Variants in GPR139 observed in about 807,000 individuals in gnomAD.
GPR139 encodes the protein probable G protein-coupled receptor 139.
A neutral mutation model predicts 25.8 loss-of-function variants in GPR139; 12 were observed. The ratio of observed to expected loss-of-function variants is 0.47; its 90% confidence interval spans 0.30 to 0.75. GPR139 has a LOEUF of 0.75. Ranked by LOEUF, GPR139 falls within the 30% of genes least tolerant of loss-of-function variation. The pLI is 0.07. For synonymous variants in GPR139, 184 were observed against 179.9 expected (o/e 1.02, Z -0.18); for missense variants, 380 against 450.2 (o/e 0.84, Z 1.41).
rs533290803 is a variant in GPR139 at position 20,071,435 on chromosome 16, G to A, written c.127+2055C>T. ...CCATCTGCTGTCTTTGGAATCATGC[G>A]CTTGCATTTGGGAGCTCCTGGAACT... is the stretch of plus-strand genomic sequence containing the variant. On this transcript the variant is annotated intron_variant, in intron 1 of 1. Transcript: ENST00000570682. Among the ~76,000 whole-genome samples the A allele has an allele frequency of 1.4e-3, 207 of 152,308 alleles. 1 individual carries two copies. The Middle Eastern group carries it at 0.017, about 13-fold the overall frequency.
In GPR139 at chr16:20,073,421, G is replaced by C. The variant is rs34142406; in HGVS notation, c.127+69C>G. On this transcript the variant is annotated intron_variant, in intron 1 of 1. Coordinates refer to ENST00000570682, the MANE Select transcript of GPR139 (RefSeq NM_001002911.4). This position sits in a 1 kb window ranked among gnomAD's most constrained non-coding sequence, Gnocchi z 4.7. ...CCAGGGAACGCACGGGGGAGGACGG[G>C]GGATTCTGGGTAGGGTTGCCCGGCA... is the stretch of plus-strand genomic sequence containing the variant. 5.7e-6 allele frequency: 9 copies of C among 1,570,516 alleles called. No homozygotes were observed. Among genetic ancestry groups the C allele is most frequent in the South Asian group, 2.3e-5 (2 of 85,778 alleles).
intron 1 of GPR139, among the ~76,000 whole-genome samples, chr16:20,044,157 T>C (rs2057346178): frequency 6.6e-6 from 1 of 152,136 alleles, no homozygotes; most frequent in Non-Finnish European, 1.5e-5. Context: ...CACATAACAA[T>C]CAGTCCTGCT....
chr16:20,034,016 A>C (rs2057301381), intron 1 of GPR139, among the ~76,000 whole-genome samples: 2 of 151,988 alleles, frequency 1.3e-5, no homozygotes, highest in Non-Finnish European at 2.9e-5. Flanking sequence ...TGAATTAAGC[A>C]TATTTAGAAA....
rs995187256 is a variant in GPR139 at position 20,073,177 on chromosome 16, C to T, written c.127+313G>A. Among the ~76,000 whole-genome samples the T allele has an allele frequency of 6.6e-5, 10 of 151,798 alleles. No individual in the cohort carries two copies. Among genetic ancestry groups the T allele is most frequent in the African/African-American group, 2.2e-4 (9 of 41,310 alleles). On this transcript the variant is annotated intron_variant, in intron 1 of 1. Transcript: ENST00000570682. This position sits in a 1 kb window ranked among gnomAD's most constrained non-coding sequence, Gnocchi z 4.7. ...ACGCCCCCACCCCATGAAAGCCGCC[C>T]CCTCCAGATGCGCGCACAAATGCAC...
At chr16:20,061,702 A>T (rs921967487) in intron 1 of GPR139, among the ~76,000 whole-genome samples, 1 of 152,154 alleles carries the variant, frequency 6.6e-6, no homozygotes, top group African/African-American at 2.4e-5. Flanking sequence ...CATACAGTAA[A>T]ATTCCCTCCC....
chr16:20,040,866 G>C (rs1462106647), intron 1 of GPR139, among the ~76,000 whole-genome samples: 1 of 151,960 alleles, frequency 6.6e-6, no homozygotes, highest in African/African-American at 2.4e-5. Flanking sequence ...AGTCCACAGG[G>C]GTCTTAAGAA....
At position 20,069,827 on chromosome 16, in the gene GPR139, G is replaced by A. The variant is rs867458192; in HGVS notation, c.127+3663C>T. Among the ~76,000 whole-genome samples the A allele has an allele frequency of 2.0e-5, 3 of 152,228 alleles. No homozygotes were observed. The Middle Eastern group carries it at 0.01, about 518-fold the overall frequency. On this transcript the variant is annotated intron_variant, in intron 1 of 1. Coordinates refer to ENST00000570682, the MANE Select transcript of GPR139 (RefSeq NM_001002911.4). Reference sequence around the variant, plus strand: ...GGGCTCAAGTTCATCATTTTCTCCTGCATTGCTGTCTCTTTTGTACTGTCT... The same window carrying A: ...GGGCTCAAGTTCATCATTTTCTCCTACATTGCTGTCTCTTTTGTACTGTCT...
At chr16:20,053,558 G>A (rs1451226646) in intron 1 of GPR139, among the ~76,000 whole-genome samples, 1 of 152,104 alleles carries the variant, frequency 6.6e-6, no homozygotes, top group Non-Finnish European at 1.5e-5. Flanking sequence ...TGAGGGATGA[G>A]AATTCAAGAA....
At chr16:20,047,231 C>T (rs1471701196) in intron 1 of GPR139, among the ~76,000 whole-genome samples, 3 of 152,034 alleles carry the variant, frequency 2.0e-5, no homozygotes, top group African/African-American at 7.2e-5. Context: ...CTGCCTCAGC[C>T]TCCCAAGTAG....
chr16:20,046,395 C>A (rs888077835), intron 1 of GPR139, among the ~76,000 whole-genome samples: 1 of 152,212 alleles, frequency 6.6e-6, no homozygotes, highest in African/African-American at 2.4e-5. Flanking sequence ...TCTGCTCTGC[C>A]GCCAACTAGC....
At chr16:20,069,424 A>G (rs893861422) in intron 1 of GPR139, among the ~76,000 whole-genome samples, 36 of 152,212 alleles carry the variant, frequency 2.4e-4, no homozygotes, top group African/African-American at 8.2e-4. Flanking sequence ...AAGAAAACAT[A>G]TCTGCAGGCC....
chr16:20,039,273 C>A (rs368200909), intron 1 of GPR139, among the ~76,000 whole-genome samples: 1 of 152,178 alleles, frequency 6.6e-6, no homozygotes, highest in Admixed American at 6.5e-5. Context: ...ACCACTGAAT[C>A]GTCTGCTGGC....
intron 1 of GPR139, among the ~76,000 whole-genome samples, chr16:20,053,712 C>T (rs1274961105): frequency 2.6e-5 from 4 of 152,096 alleles, no homozygotes; most frequent in Admixed American, 2.6e-4. Context: ...TCAGAGGTAT[C>T]CTGATTGGTA....
At chr16:20,032,806 C>T (rs2057296002) in intron 1 of GPR139, 137 bp from the exon 2 acceptor site, 4 of 621,142 alleles carry the variant, frequency 6.4e-6, no homozygotes, top group Non-Finnish European at 1.1e-5. Flanking sequence ...GAGGGACAAC[C>T]TCAGCATTAC....
Position 20,051,535 on chromosome 16 carries a change from C to T in GPR139, c.128-18866G>A, listed in dbSNP as rs201047055. ...GGAACAGGCCATGCCCAGAGGACAA[C>T]GTCTAATTACCCAGGGGCCTCGGGA... On this transcript the variant is annotated intron_variant, in intron 1 of 1. Coordinates refer to ENST00000570682, the MANE Select transcript of GPR139 (RefSeq NM_001002911.4). Among the ~76,000 whole-genome samples, 29 of 152,280 alleles carry T rather than the reference C, an allele frequency of 1.9e-4. No homozygotes were observed. The East Asian group carries it at 4.5e-3, about 23-fold the overall frequency.
chr16:20,053,944 T>C (rs2057380829), intron 1 of GPR139, among the ~76,000 whole-genome samples: 1 of 152,166 alleles, frequency 6.6e-6, no homozygotes, highest in Admixed American at 6.5e-5. Flanking sequence ...GGAGTAATAT[T>C]TTGTTGCCTG....
chr16:20,055,127 A>T (rs1008124756), intron 1 of GPR139, among the ~76,000 whole-genome samples: 1 of 142,796 alleles, frequency 7.0e-6, no homozygotes, highest in Admixed American at 7.3e-5. Context: ...GATAGGCCCA[A>T]TGTGTGTTGT....
At chr16:20,046,657 T>G (rs1451858567) in intron 1 of GPR139, among the ~76,000 whole-genome samples, 2 of 152,116 alleles carry the variant, frequency 1.3e-5, no homozygotes, top group Non-Finnish European at 2.9e-5. Context: ...GTTCTGAGTT[T>G]GTGGCGAGGG....
At chr16:20,037,091 G>A (rs754674566) in intron 1 of GPR139, among the ~76,000 whole-genome samples, 1 of 152,166 alleles carries the variant, frequency 6.6e-6, no homozygotes, top group Non-Finnish European at 1.5e-5. Flanking sequence ...ATAACACCAA[G>A]GGATGAGACA....
Sources: allele counts gnomAD v4.1 joint callset (sites outside exome capture counted in the v4.1 genomes callset), GRCh38; gene constraint gnomAD v4.1.1; non-coding constraint Gnocchi (gnomAD v3.1); transcripts MANE v1.5; gene names NCBI Gene and HGNC (gene_info 2026-07-23, HGNC 2026-07-21).